The following PTPRN2 variants were observed in gnomAD, a reference collection of about 807,000 sequenced individuals.
PTPRN2 encodes the protein protein tyrosine phosphatase receptor type N2.
Under a neutral mutation model 118.8 loss-of-function variants are expected in PTPRN2, and 74 were observed. The ratio of observed to expected loss-of-function variants is 0.62; its 90% CI spans 0.52 to 0.76. PTPRN2 has a LOEUF of 0.76. Among genes scored for constraint, PTPRN2 ranks in the 30% least tolerant of loss-of-function variants. PTPRN2 has a pLI of 0.00. For missense variants in PTPRN2, 1,481 were observed against 1,394.4 expected, an observed-to-expected ratio of 1.06 and a Z score of -0.99; for synonymous variants, 641 against 608.0, an observed-to-expected ratio of 1.05 and a Z score of -0.80.
chr7:157,917,877 G>A (rs1193013023), intron 11 of PTPRN2, among the ~76,000 whole-genome samples: 1 of 152,090 alleles, frequency 6.6e-6, no homozygotes, highest in African/African-American at 2.4e-5. Context: ...TGGGGCTGGG[G>A]CTGGGATAAT....
At chr7:158,142,704 A>G (rs1347429034) in intron 6 of PTPRN2, among the ~76,000 whole-genome samples, 1 of 152,180 alleles carries the variant, frequency 6.6e-6, no homozygotes, top group Non-Finnish European at 1.5e-5. Context: ...GAAAGCTTCC[A>G]GCAACAAACT....
intron 13 of PTPRN2, among the ~76,000 whole-genome samples, chr7:157,662,683 A>AAGG: frequency 6.6e-6 from 1 of 152,192 alleles, no homozygotes; most frequent in African/African-American, 2.4e-5. Flanking sequence ...CGGGGCGAGG[A>AAGG]AGGAGGAGGA....
intron 2 of PTPRN2, among the ~76,000 whole-genome samples, chr7:158,441,688 G>A (rs1342233236): frequency 1.4e-5 from 2 of 147,796 alleles, no homozygotes; most frequent in Non-Finnish European, 3.0e-5. Context: ...TGATGGTGGT[G>A]GTGATGGCAA....
At chr7:157,692,361 T>C (rs1056211555) in intron 12 of PTPRN2, among the ~76,000 whole-genome samples, 1 of 152,158 alleles carries the variant, frequency 6.6e-6, no homozygotes, top group African/African-American at 2.4e-5. Context: ...ACTCTGGCGC[T>C]GCCCCTAGAC....
intron 3 of PTPRN2, among the ~76,000 whole-genome samples, chr7:158,262,925 TCACA>T (rs200139870): frequency 8.7e-6 from 1 of 115,414 alleles, no homozygotes; most frequent in South Asian, 2.7e-4. Context: ...GCACACACAT[TCACA>T]CACTGCACAC....
At chr7:158,010,845 C>A (rs1339465556) in intron 11 of PTPRN2, among the ~76,000 whole-genome samples, 2 of 152,182 alleles carry the variant, frequency 1.3e-5, no homozygotes, top group Non-Finnish European at 2.9e-5. Context: ...AGGCCTTGGG[C>A]CCCCCATGGA....
intron 2 of PTPRN2, among the ~76,000 whole-genome samples, chr7:158,332,751 C>G (rs1352981449): frequency 6.8e-6 from 1 of 146,398 alleles, no homozygotes; most frequent in African/African-American, 2.6e-5. Flanking sequence ...AGCTGAGGCC[C>G]ACAGAGGACA....
intron 5 of PTPRN2, among the ~76,000 whole-genome samples, chr7:158,177,784 T>TG (rs566145169): frequency 3.5e-4 from 53 of 152,350 alleles, no homozygotes; most frequent in Admixed American, 2.2e-3. Context: ...GATAGACATT[T>TG]GGGTTTTTTC....
chr7:158,503,165 CACTGTGTCCATCAACT>C lies in PTPRN2; in HGVS notation c.113-13396_113-13381del, dbSNP rs1360360610. ...TCCATCAACTACTGTGTCCATCAGC[CACTGTGTCCATCAACT>C]ACTGTGTCCATCAGCCACTGTGTCC... is the stretch of plus-strand genomic sequence containing the variant. On this transcript the variant is annotated intron_variant, in intron 1 of 22. Coordinates refer to ENST00000389418, the MANE Select transcript of PTPRN2 (RefSeq NM_002847.5). Among the ~76,000 whole-genome samples, 16 of 91,024 alleles carry C rather than the reference CACTGTGTCCATCAACT, an allele frequency of 1.8e-4. 1 individual carries two copies. In the South Asian group the frequency reaches 6.3e-3, roughly 36 times the overall value. 59.7% of individuals were successfully genotyped at this position (91,024 alleles called of 152,430 possible). A position where few individuals can be genotyped will look rare whatever the true frequency, so the allele number is the denominator to read the frequency against.
intron 12 of PTPRN2, among the ~76,000 whole-genome samples, chr7:157,741,238 A>G (rs1382331497): frequency 6.6e-6 from 1 of 152,250 alleles, no homozygotes; most frequent in South Asian, 2.1e-4. Context: ...ATGACTTGCC[A>G]ATCAATTATC....
chr7:157,776,326 T>C (rs1803239205), intron 12 of PTPRN2, among the ~76,000 whole-genome samples: 2 of 126,888 alleles, frequency 1.6e-5, no homozygotes, highest in Admixed American at 7.6e-5. Flanking sequence ...CCTCTCCTCC[T>C]CCTCCATCTC....
intron 2 of PTPRN2, among the ~76,000 whole-genome samples, chr7:158,331,874 A>G (rs1366299184): frequency 3.7e-4 from 44 of 120,398 alleles, no homozygotes; most frequent in African/African-American, 1.3e-3. Flanking sequence ...AAGAGCTGAC[A>G]CCCGCAGACG....
intron 2 of PTPRN2, among the ~76,000 whole-genome samples, chr7:158,332,861 C>A (rs1429336870): frequency 3.4e-5 from 5 of 148,600 alleles, no homozygotes; most frequent in Non-Finnish European, 5.9e-5. Context: ...GTCACTCACA[C>A]CCACACTCTC....
At chr7:157,766,831 C>T (rs996174990) in intron 12 of PTPRN2, among the ~76,000 whole-genome samples, 1 of 152,246 alleles carries the variant, frequency 6.6e-6, no homozygotes, top group East Asian at 1.9e-4. Context: ...CCCTTGGCTA[C>T]CTCCGTTGGG....
chr7:157,809,288 T>C (rs1328120196), intron 12 of PTPRN2, among the ~76,000 whole-genome samples: 1 of 150,082 alleles, frequency 6.7e-6, no homozygotes, highest in Non-Finnish European at 1.5e-5. Flanking sequence ...ACCCCTGCCG[T>C]GTGAGCTCCC....
chr7:157,712,487 A>T lies in PTPRN2; in HGVS notation c.1789-29550T>A, dbSNP rs191982596. On this transcript the variant is annotated intron_variant, in intron 12 of 22. Coordinates refer to ENST00000389418, the MANE Select transcript of PTPRN2 (RefSeq NM_002847.5). ...AATTTGAGGCTGGGCAGGGTGGCTC[A>T]CGCCTGTAATCCCAGCACTTTGGGA... Among the ~76,000 whole-genome samples, 879 of 152,284 alleles carry T rather than the reference A, an allele frequency of 5.8e-3. 18 individuals are homozygous for T. Among genetic ancestry groups the T allele is most frequent in the East Asian group, 0.051 (262 of 5,164 alleles).
rs1800978261 is a variant in PTPRN2 at position 157,591,363 on chromosome 7, G to A, written c.2496+3875C>T. On this transcript the variant is annotated intron_variant, in intron 17 of 22. Transcript: ENST00000389418. This position sits in a 1 kb window ranked among gnomAD's most constrained non-coding sequence, Gnocchi z 4.4. ...CAACAGCCGGAGATAAAAGGAAGGT[G>A]CTTTGGGATGATCCATAACCTTCAG... is the stretch of plus-strand genomic sequence containing the variant. 1.3e-5 allele frequency among the ~76,000 whole-genome samples: 2 copies of A among 152,226 alleles called. No homozygotes were observed. The highest frequency in any genetic ancestry group is 2.9e-5 in the Non-Finnish European group (2 of 68,044).
intron 3 of PTPRN2, among the ~76,000 whole-genome samples, chr7:158,310,997 G>A (rs1261088743): frequency 6.6e-6 from 1 of 152,192 alleles, no homozygotes; most frequent in African/African-American, 2.4e-5. Context: ...CCTGGAGGTC[G>A]GGTAGGGGGT....
At chr7:158,220,874 A>G (rs1339029132) in intron 3 of PTPRN2, among the ~76,000 whole-genome samples, 1 of 150,346 alleles carries the variant, frequency 6.7e-6, no homozygotes, top group Non-Finnish European at 1.5e-5. Context: ...TAAAATTCAT[A>G]TGGATCCAAA....
Sources: gnomAD v4.1 joint callset for allele counts (sites outside exome capture counted in the v4.1 genomes callset) on GRCh38, gnomAD v4.1.1 for gene constraint, Gnocchi (gnomAD v3.1) non-coding constraint, MANE v1.5 for transcripts, NCBI Gene and HGNC (gene_info 2026-07-23, HGNC 2026-07-21) for gene names.